Variants in BAZ2B observed in about 807,000 individuals in gnomAD.
BAZ2B encodes bromodomain adjacent to zinc finger domain 2B, also known as bromodomain adjacent to zinc finger domain protein 2B.
BAZ2B carries 91 observed loss-of-function variants against 246.0 expected under a neutral mutation model. That is an observed-to-expected ratio of 0.37 (90% CI 0.31 to 0.44). The LOEUF is 0.44. Among genes scored for constraint, BAZ2B ranks in the 20% least tolerant of loss-of-function variants. BAZ2B has a pLI of 1.00. For missense variants in BAZ2B, 2,332 were observed against 2,533.7 expected (o/e 0.92, Z 1.71); for synonymous variants, 855 against 860.0 (o/e 0.99, Z 0.10).
At chr2:159,483,992 A>G (rs1479618339) in intron 2 of BAZ2B, among the ~76,000 whole-genome samples, 1 of 152,196 alleles carries the variant, frequency 6.6e-6, no homozygotes, top group Non-Finnish European at 1.5e-5. Flanking sequence ...TGTAGCCTAA[A>G]GCAGTGATTT....
At chr2:159,508,192 G>A (rs1426082504) in intron 2 of BAZ2B, among the ~76,000 whole-genome samples, 4 of 152,080 alleles carry the variant, frequency 2.6e-5, no homozygotes, top group African/African-American at 9.7e-5. Context: ...TTTCAAATAT[G>A]GGCTATTATA....
intron 2 of BAZ2B, among the ~76,000 whole-genome samples, chr2:159,526,680 G>A (rs1191762219): frequency 2.0e-5 from 3 of 152,022 alleles, no homozygotes; most frequent in Admixed American, 1.3e-4. Context: ...AAATAAACCA[G>A]TCATGAGGGA....
At chr2:159,695,478 CATTACA>C in the BAZ2B span, 2 of 151,292 alleles carry the variant, frequency 1.3e-5, no homozygotes, top group Non-Finnish European at 2.9e-5. Context: ...GTAATATTCA[CATTACA>C]ATTTTTTCTA....
Position 159,320,297 on chromosome 2 carries a change from T to G in BAZ2B, c.6475A>C (p.Lys2159Gln), listed in dbSNP as rs774253537. 9.6e-6 allele frequency: 15 copies of G among 1,563,994 alleles called. No individual in the cohort carries two copies. Among genetic ancestry groups the G allele is most frequent in the Non-Finnish European group, 9.4e-6 (11 of 1,167,266 alleles). The change falls in exon 37 of 37, where the codon AAA becomes CAA. Residue 2159 changes from lysine (K) to glutamine (Q), a missense_variant. By Grantham distance (53) the Lys-to-Gln change is moderately conservative. Transcript: ENST00000392783. ...ACTTTGAAAGTATCTGTCCACTTTT[T>G]TTCAAAATACTTCCTCATATTGTGG... ...AGHNMRKYFE[K>Q]KWTDTFKVS
chr2:159,491,156 T>C (rs2080410216), intron 2 of BAZ2B, among the ~76,000 whole-genome samples: 1 of 152,200 alleles, frequency 6.6e-6, no homozygotes, highest in Non-Finnish European at 1.5e-5. Context: ...AAATTTATTC[T>C]AGTCCTATCA....
At chr2:159,437,935 A>T (rs2072710620) in intron 8 of BAZ2B, 1 of 167,190 alleles carries the variant, frequency 6.0e-6, no homozygotes, top group Non-Finnish European at 1.3e-5. Context: ...AAAATAAAAA[A>T]AAATTGGTAT....
intron 1 of BAZ2B, among the ~76,000 whole-genome samples, chr2:159,588,223 A>AAAC (rs1444375423): frequency 1.3e-5 from 2 of 151,676 alleles, no homozygotes; most frequent in Admixed American, 6.6e-5. Context: ...TCAAAAAAAA[A>AAAC]AAAAAAAAAC....
intron 1 of BAZ2B, among the ~76,000 whole-genome samples, chr2:159,559,905 T>A (rs888546146): frequency 6.6e-6 from 1 of 152,216 alleles, no homozygotes; most frequent in Non-Finnish European, 1.5e-5. Context: ...TGCAAGTCAC[T>A]GTTTTAGTAA....
At chr2:159,706,189 G>A in the BAZ2B span, among the ~76,000 whole-genome samples, 8 of 151,976 alleles carry the variant, frequency 5.3e-5, no homozygotes, top group Non-Finnish European at 1.2e-4. Flanking sequence ...TGCAAAGGAT[G>A]TTTGTGGAGT....
chr2:159,592,447 C>A (rs1689616936), intron 1 of BAZ2B, among the ~76,000 whole-genome samples: 1 of 152,204 alleles, frequency 6.6e-6, no homozygotes, highest in African/African-American at 2.4e-5. Flanking sequence ...TGCACGTGGC[C>A]CAATATCATG....
intron 16 of BAZ2B, among the ~76,000 whole-genome samples, chr2:159,403,819 T>A (rs1384874830): frequency 2.0e-5 from 3 of 152,182 alleles, no homozygotes; most frequent in Admixed American, 2.0e-4. Flanking sequence ...TTTATTCAGA[T>A]ATTGCAGTTA....
At chr2:159,526,627 T>A (rs183832367) in intron 2 of BAZ2B, among the ~76,000 whole-genome samples, 92 of 152,292 alleles carry the variant, frequency 6.0e-4, no homozygotes, top group African/African-American at 2.2e-3. Context: ...CACTTCTGTT[T>A]ATCACTTTAT....
downstream of BAZ2B, among the ~76,000 whole-genome samples, chr2:159,315,869 A>G (rs888783215): frequency 6.6e-6 from 1 of 152,196 alleles, no homozygotes; most frequent in African/African-American, 2.4e-5. Context: ...TTTCATTTCT[A>G]GAGGAATTTG....
At chr2:159,375,647 C>G in intron 25 of BAZ2B, among the ~76,000 whole-genome samples, 1 of 152,070 alleles carries the variant, frequency 6.6e-6, no homozygotes, top group East Asian at 1.9e-4. Context: ...AACTAGCTAA[C>G]AGATTAGAGA....
chr2:159,453,678 C>T lies in BAZ2B; in HGVS notation c.269G>A (p.Gly90Asp), dbSNP rs1471799515. ...HSASSGHSEF[G>D]GLGTLGTPTA... is the part of the protein sequence containing the mutation. ...GGGTGTACCAAGTGTCCCCAAACCA[C>T]CAAATTCTGAATGCCCTGAGCTGGC... Residue 90 changes from glycine to aspartate, a missense_variant, in exon 4 of 37, where the codon GGT becomes GAT. Gly to Asp is a moderately conservative substitution (Grantham distance 94, BLOSUM62 -1). This residue lies in a region of BAZ2B where 242 missense variants were observed against 237.4 expected (regional missense o/e 1.02). Coordinates refer to ENST00000392783, the MANE Select transcript of BAZ2B (RefSeq NM_013450.4). 1 of 1,613,486 alleles carries T rather than the reference C, an allele frequency of 6.2e-7. No homozygotes were observed. The highest frequency in any genetic ancestry group is 8.5e-7 in the Non-Finnish European group (1 of 1,179,696).
chr2:159,531,625 A>C (rs16844084), intron 2 of BAZ2B, among the ~76,000 whole-genome samples: 7,120 of 152,244 alleles, frequency 0.047, 248 homozygotes, highest in African/African-American at 0.096. Flanking sequence ...CTAGCAAAAC[A>C]TCTATGTGCT....
intron 14 of BAZ2B, among the ~76,000 whole-genome samples, chr2:159,407,075 C>T (rs913212941): frequency 5.3e-5 from 8 of 151,856 alleles, no homozygotes; most frequent in African/African-American, 1.9e-4. Context: ...ATTTACACCA[C>T]CTTGTTTAAT....
chr2:159,581,121 T>C (rs1686661014), intron 1 of BAZ2B, among the ~76,000 whole-genome samples: 1 of 151,532 alleles, frequency 6.6e-6, no homozygotes, highest in African/African-American at 2.4e-5. Context: ...ACCATCAGAG[T>C]GAACAGGCAA....
intron 31 of BAZ2B, among the ~76,000 whole-genome samples, chr2:159,342,900 C>T (rs1451208265): frequency 6.6e-6 from 1 of 151,958 alleles, no homozygotes. Context: ...ATATTCTTCA[C>T]AGAAATAAAG....
Sources: gnomAD v4.1 joint callset for allele counts (sites outside exome capture counted in the v4.1 genomes callset) on GRCh38, gnomAD v4.1.1 for gene constraint, gnomAD v4.1.1 regional missense constraint, MANE v1.5 for transcripts, NCBI Gene and HGNC (gene_info 2026-07-23, HGNC 2026-07-21) for gene names.